Variants in ZFX observed in about 807,000 individuals in gnomAD.
The protein encoded by ZFX is zinc finger X-chromosomal protein.
For missense variants in ZFX, 362 were observed against 628.3 expected, an observed-to-expected ratio of 0.58 and a Z score of 4.53; for synonymous variants, 196 against 226.8, an observed-to-expected ratio of 0.86 and a Z score of 1.22.
intron 5 of ZFX, among the ~76,000 whole-genome samples, chrX:24,198,897 G>A (rs760600930): frequency 1.8e-5 from 2 of 111,702 alleles, no homozygotes; most frequent in East Asian, 2.8e-4. Context: ...GGTCTAGAGT[G>A]GAGATGTAAA....
intron 5 of ZFX, among the ~76,000 whole-genome samples, chrX:24,198,483 G>GTT (rs5901749): frequency 5.4e-4 from 47 of 87,311 alleles, no homozygotes; most frequent in Middle Eastern, 5.8e-3. Context: ...ACCTGGCTTT[G>GTT]TTTTTTTTTT....
In ZFX at chrX:24,208,326, A is replaced by G. The variant is rs1306823382; in HGVS notation, c.1049A>G (p.Asn350Ser). The change falls in exon 8 of 10, where the codon AAT becomes AGT. Residue 350 changes from asparagine to serine, a missense_variant. Transcript: ENST00000304543. Reference protein sequence around the residue: ...AAVHEQQMDDNEIKTFMPIAW... With the variant: ...AAVHEQQMDDSEIKTFMPIAW... ...GTGCACGAGCAGCAAATGGATGACAATGAAATCAAAACCTTCATGCCGATT... is the reference window on the plus strand; with the variant it reads ...GTGCACGAGCAGCAAATGGATGACAGTGAAATCAAAACCTTCATGCCGATT... 2 of 1,210,756 alleles carry G rather than the reference A, an allele frequency of 1.7e-6. No individual in the cohort carries two copies. The highest frequency in any genetic ancestry group is 3.0e-5 in the East Asian group (1 of 33,772).
At chrX:24,205,566 G>A (rs1482588007) in intron 5 of ZFX, among the ~76,000 whole-genome samples, 2 of 112,396 alleles carry the variant, frequency 1.8e-5, no homozygotes, top group Admixed American at 9.4e-5. Context: ...TAAAAAATGT[G>A]ATGTTTGGCT....
intron 5 of ZFX, among the ~76,000 whole-genome samples, chrX:24,190,410 CTT>C (rs753440629): frequency 2.7e-5 from 3 of 111,959 alleles, no homozygotes; most frequent in Non-Finnish European, 3.8e-5. Context: ...CAATTAATGA[CTT>C]AAGAGTTTTC....
intron 5 of ZFX, among the ~76,000 whole-genome samples, chrX:24,185,602 C>T (rs1033327673): frequency 9.0e-6 from 1 of 111,477 alleles, no homozygotes; most frequent in African/African-American, 3.3e-5. Context: ...AGGCGCGTGC[C>T]ACCACGCCTG....
intron 5 of ZFX, among the ~76,000 whole-genome samples, chrX:24,182,834 C>T (rs938489568): frequency 2.7e-4 from 30 of 111,220 alleles, no homozygotes; most frequent in African/African-American, 9.5e-4. Flanking sequence ...GAGCAGGTTC[C>T]AGAGAAGGGG....
rs147081373 is a variant in ZFX at position 24,164,489 on chromosome X, C to T, written c.-28-8226C>T. Among the ~76,000 whole-genome samples the T allele has an allele frequency of 9.5e-3, 1,047 of 110,744 alleles. 12 individuals are homozygous for T. Among genetic ancestry groups the T allele is most frequent in the African/African-American group, 0.032 (970 of 30,401 alleles). On this transcript the variant is annotated intron_variant, in intron 3 of 9. Coordinates refer to ENST00000304543, the MANE Select transcript of ZFX (RefSeq NM_003410.4). ...ACTGAGTTTACAGAACCTCATAGGC[C>T]GAAAGTAATGTATTTAGGAAAAGCA...
chrX:24,211,477 T>TA lies in ZFX; in HGVS notation c.*102dup. On this transcript the variant is annotated 3_prime_UTR_variant, in exon 10 of 10. Transcript: ENST00000304543. Reference sequence around the variant, plus strand: ...TCACATACAATACTGTATATTGATTTATGCTGTGTACAAATAGAATTATTA... The same window carrying TA: ...TCACATACAATACTGTATATTGATTTAATGCTGTGTACAAATAGAATTATTA... 2.1e-6 allele frequency: 2 copies of TA among 942,244 alleles called. No homozygotes were observed. Among genetic ancestry groups the TA allele is most frequent in the Non-Finnish European group, 2.9e-6 (2 of 687,571 alleles). 77.7% of individuals were successfully genotyped at this position (942,244 alleles called of 1,213,427 possible).
rs1934743868 is a variant in ZFX, at chrX:24,172,727, A to G, written c.-16A>G. ...TTCCCTGATTTAGGAGCTGTGACTG[A>G]TGAGAATTAAAGGCCATGGATGAAG... On this transcript the variant is annotated 5_prime_UTR_variant, in exon 4 of 10. It removes an upstream start codon present in the reference 5' UTR. Transcript: ENST00000304543. The G allele has an allele frequency of 6.8e-6, 8 of 1,176,565 alleles. No homozygotes were observed. The East Asian group carries it at 2.5e-4, about 36-fold the overall frequency.
At chrX:24,181,016 GAACTA>G (rs1935640123) in intron 5 of ZFX, among the ~76,000 whole-genome samples, 2 of 112,015 alleles carry the variant, frequency 1.8e-5, no homozygotes, top group Middle Eastern at 4.6e-3. Context: ...ATGCCTTAAG[GAACTA>G]AACTTAAAAT....
At chrX:24,188,963 G>A (rs1313471987) in intron 5 of ZFX, among the ~76,000 whole-genome samples, 2 of 110,786 alleles carry the variant, frequency 1.8e-5, no homozygotes, top group Non-Finnish European at 3.8e-5. Flanking sequence ...TCAGCCTCCC[G>A]AGTAGCTGGG....
intron 5 of ZFX, among the ~76,000 whole-genome samples, chrX:24,197,751 A>G (rs1477733794): frequency 8.9e-6 from 1 of 112,347 alleles, no homozygotes; most frequent in African/African-American, 3.2e-5. Flanking sequence ...AAGGATCAAG[A>G]ATTACAGGGA....
At chrX:24,200,406 A>G (rs1211491479) in intron 5 of ZFX, among the ~76,000 whole-genome samples, 4 of 111,898 alleles carry the variant, frequency 3.6e-5, no homozygotes, top group Non-Finnish European at 1.9e-5. Flanking sequence ...GCAAAGAGGC[A>G]AATTGTAAAG....
chrX:24,188,617 G>C (rs965992639), intron 5 of ZFX, among the ~76,000 whole-genome samples: 8 of 110,975 alleles, frequency 7.2e-5, no homozygotes, highest in Admixed American at 9.7e-5. Flanking sequence ...AAAACATAAA[G>C]GCTCTTGAAC....
intron 5 of ZFX, among the ~76,000 whole-genome samples, chrX:24,184,055 C>T (rs1173973124): frequency 8.9e-6 from 1 of 112,093 alleles, no homozygotes; most frequent in Admixed American, 9.5e-5. Context: ...GCCACCATGC[C>T]TGGCTGAAAC....
chrX:24,210,184 C>CT lies in ZFX; in HGVS notation c.1235-3dup. On this transcript the variant is annotated splice_polypyrimidine_tract_variant and intron_variant, in intron 9 of 9. Transcript: ENST00000304543. ...TGAGCACTCATACTCCTTTCTTTTC[C>CT]TTTTTTAGCAATAATTATTGGCCCT... The CT allele has an allele frequency of 8.3e-7, 1 of 1,211,377 alleles. No homozygotes were observed. The highest frequency in any genetic ancestry group is 1.1e-6 in the Non-Finnish European group (1 of 895,431).
intron 2 of ZFX, among the ~76,000 whole-genome samples, chrX:24,152,024 C>G (rs1345745758): frequency 1.8e-5 from 2 of 111,695 alleles, no homozygotes; most frequent in Non-Finnish European, 3.8e-5. Context: ...GTCAGAATTT[C>G]TATGGTACAC....
At chrX:24,169,543 C>T (rs1211306982) in intron 3 of ZFX, among the ~76,000 whole-genome samples, 1 of 107,669 alleles carries the variant, frequency 9.3e-6, no homozygotes, top group African/African-American at 3.4e-5. Flanking sequence ...CTATTTTCAT[C>T]CCCCAGGGAT....
intron 5 of ZFX, among the ~76,000 whole-genome samples, chrX:24,206,542 TGTGTGTGTA>T (rs1479702223): frequency 2.8e-4 from 28 of 98,530 alleles, no homozygotes; most frequent in African/African-American, 3.6e-4. Flanking sequence ...TGTGTGTGTG[TGTGTGTGTA>T]TTTTTTTTTT....
Sources: gnomAD v4.1 joint callset for allele counts (sites outside exome capture counted in the v4.1 genomes callset) on GRCh38, gnomAD v4.1.1 for gene constraint, MANE v1.5 for transcripts, NCBI Gene and HGNC (gene_info 2026-07-23, HGNC 2026-07-21) for gene names.